The following DPYD variants were observed in gnomAD, a reference collection of about 807,000 sequenced individuals.
DPYD encodes the protein dihydropyrimidine dehydrogenase, also known as dihydropyrimidine dehydrogenase [NADP(+)].
In DPYD, 109 loss-of-function variants were observed where a neutral mutation model predicts 116.2. That is an observed-to-expected ratio of 0.94 (90% CI 0.80 to 1.10). DPYD has a LOEUF of 1.10. Ranked by LOEUF, DPYD falls within the 50% of genes least tolerant of loss-of-function variation. The pLI is 0.00. For missense variants in DPYD, 1,302 were observed against 1,254.5 expected (o/e 1.04, Z -0.57); for synonymous variants, 440 against 432.0 (o/e 1.02, Z -0.23).
intron 14 of DPYD, among the ~76,000 whole-genome samples, chr1:97,400,971 A>C (rs997306226): frequency 2.0e-5 from 3 of 151,968 alleles, no homozygotes; most frequent in Admixed American, 2.0e-4. Context: ...TCCTCATCAG[A>C]ATTTGGTGTT....
At chr1:97,452,400 A>T (rs1676466842) in intron 13 of DPYD, among the ~76,000 whole-genome samples, 1 of 152,176 alleles carries the variant, frequency 6.6e-6, no homozygotes, top group Non-Finnish European at 1.5e-5. Flanking sequence ...AAAATAAAGT[A>T]CTGTATCTTC....
intron 14 of DPYD, among the ~76,000 whole-genome samples, chr1:97,439,994 G>A (rs762120130): frequency 1.3e-5 from 2 of 151,234 alleles, no homozygotes; most frequent in African/African-American, 2.4e-5. Flanking sequence ...GTCTATTTTC[G>A]GCCGGGCGCG....
At position 97,593,584 on chromosome 1, in the gene DPYD, C is replaced by T. The variant is rs72732353; in HGVS notation, c.959-197G>A. 4.6e-3 allele frequency among the ~76,000 whole-genome samples: 699 copies of T among 152,234 alleles called. 10 individuals are homozygous for T. The highest frequency in any genetic ancestry group is 0.016 in the African/African-American group (654 of 41,526). Reference sequence around the variant, plus strand: ...AAAAATATGCTCATATATGTAATTTCATAGTCAGTATCTTTAGTTTCTTTT... The same window carrying T: ...AAAAATATGCTCATATATGTAATTTTATAGTCAGTATCTTTAGTTTCTTTT... On this transcript the variant is annotated intron_variant, in intron 9 of 22. Coordinates refer to ENST00000370192, the MANE Select transcript of DPYD (RefSeq NM_000110.4).
intron 3 of DPYD, among the ~76,000 whole-genome samples, chr1:97,778,389 A>G (rs376256271): frequency 1.3e-5 from 2 of 152,246 alleles, no homozygotes; most frequent in African/African-American, 4.8e-5. Context: ...AATTATTAAC[A>G]AGAAAAAAAA....
At chr1:97,516,601 C>A (rs931071443) in intron 12 of DPYD, among the ~76,000 whole-genome samples, 3 of 151,944 alleles carry the variant, frequency 2.0e-5, no homozygotes, top group South Asian at 2.1e-4. Context: ...TCAAAATCTT[C>A]GACTGGCACT....
intron 19 of DPYD, among the ~76,000 whole-genome samples, chr1:97,199,571 T>G (rs1398327438): frequency 1.3e-5 from 2 of 152,072 alleles, no homozygotes; most frequent in Non-Finnish European, 2.9e-5. Context: ...GTAATACATT[T>G]TTGGTCAAAT....
intron 2 of DPYD, among the ~76,000 whole-genome samples, chr1:97,852,183 C>G (rs1184637769): frequency 6.6e-6 from 1 of 151,936 alleles, no homozygotes; most frequent in African/African-American, 2.4e-5. Flanking sequence ...ATCAGAAATC[C>G]TTACATTAAA....
At chr1:97,774,152 C>A (rs765174929) in intron 3 of DPYD, among the ~76,000 whole-genome samples, 1 of 152,164 alleles carries the variant, frequency 6.6e-6, no homozygotes. Context: ...AGCCACACCA[C>A]CGTTGCATGC....
intron 1 of DPYD, among the ~76,000 whole-genome samples, chr1:97,906,921 G>A (rs1001568400): frequency 5.9e-5 from 9 of 152,006 alleles, no homozygotes; most frequent in Non-Finnish European, 1.2e-4. Flanking sequence ...TATATGAATT[G>A]TCTCCATCAC....
chr1:97,211,707 T>C, intron 19 of DPYD, among the ~76,000 whole-genome samples: 1 of 152,178 alleles, frequency 6.6e-6, no homozygotes, highest in Non-Finnish European at 1.5e-5. Flanking sequence ...TTTAATACTT[T>C]AATACATGGA....
chr1:97,573,652 G>A (rs1653062439), intron 11 of DPYD, 108 bp downstream of exon 11: 1 of 1,377,102 alleles, frequency 7.3e-7, no homozygotes, highest in Non-Finnish European at 1.0e-6. Flanking sequence ...TTAACTAGAA[G>A]AGGAAAATAA....
intron 14 of DPYD, among the ~76,000 whole-genome samples, chr1:97,421,288 C>CT (rs1397305738): frequency 3.3e-5 from 5 of 152,110 alleles, no homozygotes; most frequent in African/African-American, 1.2e-4. Context: ...AATGTTAAAT[C>CT]TTCATGTATT....
At chr1:97,430,616 G>A (rs913506729) in intron 14 of DPYD, among the ~76,000 whole-genome samples, 65 of 151,656 alleles carry the variant, frequency 4.3e-4, no homozygotes, top group African/African-American at 1.3e-3. Flanking sequence ...CCTCTTTCAC[G>A]TGAATTTTAA....
chr1:97,295,721 G>A lies in DPYD; in HGVS notation c.2299+9538C>T, dbSNP rs1425474558. 1.2e-5 allele frequency: 12 copies of A among 975,900 alleles called. No individual in the cohort carries two copies. The South Asian group carries it at 1.4e-4, about 12-fold the overall frequency. The allele number at this position is 975,900 out of a possible 1,614,324, so 60.5% of individuals were successfully genotyped here. On this transcript the variant is annotated intron_variant, in intron 18 of 22. Transcript: ENST00000370192. ...GCTGGGATTCCATGTGTGAGCCATC[G>A]CTCTCAGCCTGATAATTTTCTTAAA...
At chr1:97,163,642 G>T (rs566097089) in intron 20 of DPYD, among the ~76,000 whole-genome samples, 1 of 152,278 alleles carries the variant, frequency 6.6e-6, no homozygotes, top group East Asian at 1.9e-4. Flanking sequence ...ATCCTCCAGA[G>T]AAATGAATGC....
chr1:97,114,555 TAGA>T (rs1651831709), intron 20 of DPYD, among the ~76,000 whole-genome samples: 1 of 152,184 alleles, frequency 6.6e-6, no homozygotes, highest in Non-Finnish European at 1.5e-5. Context: ...TAGTTATTTC[TAGA>T]AGAAGTTTCT....
chr1:97,456,599 G>T (rs1181697454), intron 13 of DPYD, among the ~76,000 whole-genome samples: 1 of 152,032 alleles, frequency 6.6e-6, no homozygotes, highest in Admixed American at 6.6e-5. Flanking sequence ...GCATTAGTTA[G>T]TCATCCCTTG....
At chr1:97,826,081 TCATGCC>T (rs1351609268) in intron 3 of DPYD, among the ~76,000 whole-genome samples, 3 of 152,156 alleles carry the variant, frequency 2.0e-5, no homozygotes, top group African/African-American at 7.2e-5. Context: ...CAAGTACATT[TCATGCC>T]ATAAAATTAA....
intron 2 of DPYD, among the ~76,000 whole-genome samples, chr1:97,862,476 G>C (rs1671167072): frequency 6.6e-6 from 1 of 151,752 alleles, no homozygotes; most frequent in African/African-American, 2.4e-5. Flanking sequence ...TATGACAAAA[G>C]ATACCTCTTT....
Sources: gnomAD v4.1 joint callset for allele counts (sites outside exome capture counted in the v4.1 genomes callset) on GRCh38, gnomAD v4.1.1 for gene constraint, MANE v1.5 for transcripts, NCBI Gene and HGNC (gene_info 2026-07-23, HGNC 2026-07-21) for gene names.